Variants in SYT1 observed in about 807,000 individuals in gnomAD.
SYT1 encodes the protein synaptotagmin-1.
Under a neutral mutation model 44.8 loss-of-function variants are expected in SYT1, and 8 were observed. That is an observed-to-expected ratio of 0.18 (90% confidence interval 0.10 to 0.32). SYT1 has a LOEUF of 0.32. Among genes scored for constraint, SYT1 ranks in the 10% least tolerant of loss-of-function variants. SYT1 has a pLI of 1.00. For synonymous variants in SYT1, 154 were observed against 188.8 expected, an observed-to-expected ratio of 0.82 and a Z score of 1.51; for missense variants, 286 against 509.3, an observed-to-expected ratio of 0.56 and a Z score of 4.22.
chr12:78,914,399 T>C lies in SYT1; in HGVS notation c.-217+49290T>C, dbSNP rs115859352. Among the ~76,000 whole-genome samples, 704 of 152,058 alleles carry C rather than the reference T, an allele frequency of 4.6e-3. 6 individuals carry two copies. The highest frequency in any genetic ancestry group is 0.016 in the African/African-American group (677 of 41,510). ...TGGAATCTATTCTGATAACAGTCTATGGCCTCTGCACAGATGTTTTCATAT... is the reference window on the plus strand; with the variant it reads ...TGGAATCTATTCTGATAACAGTCTACGGCCTCTGCACAGATGTTTTCATAT... On this transcript the variant is annotated intron_variant, in intron 1 of 10. Coordinates refer to ENST00000261205, the MANE Select transcript of SYT1 (RefSeq NM_005639.3).
At chr12:79,304,653 G>A (rs986672609) in intron 8 of SYT1, among the ~76,000 whole-genome samples, 1 of 152,026 alleles carries the variant, frequency 6.6e-6, no homozygotes, top group African/African-American at 2.4e-5. Flanking sequence ...TGAAAGCTAT[G>A]GTGTAAGTCT....
intron 3 of SYT1, among the ~76,000 whole-genome samples, chr12:79,214,939 ATATGTG>A (rs1211731701): frequency 8.4e-5 from 8 of 95,184 alleles, no homozygotes; most frequent in South Asian, 3.3e-4. Context: ...TAATGTGTGT[ATATGTG>A]TGTGTGTGTG....
At chr12:79,055,828 A>C (rs1874890976) in intron 3 of SYT1, among the ~76,000 whole-genome samples, 1 of 151,956 alleles carries the variant, frequency 6.6e-6, no homozygotes, top group Non-Finnish European at 1.5e-5. Flanking sequence ...TTTTCTTTCA[A>C]ATTTATTTAT....
chr12:79,039,157 G>A (rs571248777), intron 2 of SYT1, among the ~76,000 whole-genome samples: 9 of 151,998 alleles, frequency 5.9e-5, no homozygotes, highest in African/African-American at 1.7e-4. Flanking sequence ...CTCTGTCGAA[G>A]CAACAATAAT....
chr12:79,351,173 C>G (rs374449724), intron 8 of SYT1, among the ~76,000 whole-genome samples: 2 of 152,222 alleles, frequency 1.3e-5, no homozygotes, highest in East Asian at 3.9e-4. Context: ...TTCTCCCATC[C>G]CATAACTTTA....
At chr12:79,110,634 T>C (rs1042474217) in intron 3 of SYT1, among the ~76,000 whole-genome samples, 23 of 152,340 alleles carry the variant, frequency 1.5e-4, no homozygotes, top group Non-Finnish European at 3.2e-4. Context: ...ATTCATAAAC[T>C]TTAATTCTTC....
intron 3 of SYT1, among the ~76,000 whole-genome samples, chr12:79,055,226 G>C (rs755167829): frequency 6.6e-6 from 1 of 151,864 alleles, no homozygotes; most frequent in Non-Finnish European, 1.5e-5. Context: ...ATTATAATTA[G>C]TTGATAGAAT....
intron 3 of SYT1, among the ~76,000 whole-genome samples, chr12:79,211,202 T>G (rs1015708076): frequency 4.6e-5 from 7 of 152,140 alleles, no homozygotes; most frequent in Non-Finnish European, 8.8e-5. Context: ...TCTCATAATT[T>G]GTGTTTTTAC....
At chr12:78,937,563 T>TAAATTC (rs1878131236) in intron 1 of SYT1, among the ~76,000 whole-genome samples, 1 of 152,132 alleles carries the variant, frequency 6.6e-6, no homozygotes, top group African/African-American at 2.4e-5. Context: ...CAAAGATAAA[T>TAAATTC]AAATTCAAAT....
chr12:79,401,798 T>G (rs1327006791), intron 9 of SYT1, among the ~76,000 whole-genome samples: 1 of 151,750 alleles, frequency 6.6e-6, no homozygotes, highest in East Asian at 1.9e-4. Context: ...GCTTCCCAAG[T>G]AGCTAGGACT....
chr12:79,270,116 A>C (rs1878342981), intron 4 of SYT1, among the ~76,000 whole-genome samples: 1 of 152,136 alleles, frequency 6.6e-6, no homozygotes, highest in Non-Finnish European at 1.5e-5. Flanking sequence ...GTGTTTTTGA[A>C]AATTATTCAT....
intron 3 of SYT1, among the ~76,000 whole-genome samples, chr12:79,125,240 C>T (rs11838183): frequency 0.11 from 17,071 of 151,954 alleles, 1,003 homozygotes; most frequent in African/African-American, 0.13. Context: ...TGGAAAATAA[C>T]GTACCTATTT....
At chr12:79,066,713 C>A (rs142084457) in intron 3 of SYT1, among the ~76,000 whole-genome samples, 34 of 152,124 alleles carry the variant, frequency 2.2e-4, no homozygotes, top group African/African-American at 6.0e-4. Flanking sequence ...CAATGCCTGG[C>A]ACATCAAAGA....
chr12:79,374,855 C>G (rs1883929164), intron 9 of SYT1, among the ~76,000 whole-genome samples: 1 of 152,124 alleles, frequency 6.6e-6, no homozygotes. Flanking sequence ...TCAGGGAGAT[C>G]CACTTTAAAA....
At chr12:79,119,928 C>T (rs1486428036) in intron 3 of SYT1, among the ~76,000 whole-genome samples, 1 of 151,970 alleles carries the variant, frequency 6.6e-6, no homozygotes, top group Non-Finnish European at 1.5e-5. Context: ...TTTTCTTAAT[C>T]CCCAGTATAG....
chr12:79,219,941 G>A (rs1875054082), intron 4 of SYT1, among the ~76,000 whole-genome samples: 1 of 151,886 alleles, frequency 6.6e-6, no homozygotes, highest in Admixed American at 6.6e-5. Flanking sequence ...GGGCTTTTCT[G>A]GCTTTGTAAA....
At chr12:79,327,106 T>C (rs542678342) in intron 8 of SYT1, among the ~76,000 whole-genome samples, 2 of 152,154 alleles carry the variant, frequency 1.3e-5, no homozygotes, top group South Asian at 4.2e-4. Flanking sequence ...CCTCTTCATA[T>C]GTTAAACTTG....
At chr12:79,040,354 T>G (rs1319894825) in intron 2 of SYT1, among the ~76,000 whole-genome samples, 1 of 152,212 alleles carries the variant, frequency 6.6e-6, no homozygotes. Flanking sequence ...GGTTTCGATT[T>G]GCATTTCTCT....
At chr12:78,920,241 G>T (rs1271922313) in intron 1 of SYT1, among the ~76,000 whole-genome samples, 3 of 151,926 alleles carry the variant, frequency 2.0e-5, no homozygotes, top group Admixed American at 6.6e-5. Context: ...TCTTACCAGA[G>T]AAATAATAAC....
Sources: allele counts gnomAD v4.1 joint callset (sites outside exome capture counted in the v4.1 genomes callset), GRCh38; gene constraint gnomAD v4.1.1; transcripts MANE v1.5; gene names NCBI Gene and HGNC (gene_info 2026-07-23, HGNC 2026-07-21).